DNAH2: variants seen among roughly 807,000 people sequenced by gnomAD.
DNAH2 encodes the protein axonemal beta dynein heavy chain 2.
DNAH2 carries 323 observed loss-of-function variants against 523.5 expected under a neutral mutation model. That is an observed-to-expected ratio of 0.62 (90% confidence interval 0.56 to 0.68). The LOEUF is 0.68. Among genes scored for constraint, DNAH2 ranks in the 30% least tolerant of loss-of-function variants. The pLI, the probability that DNAH2 is intolerant of heterozygous loss-of-function variation, is 0.00. For synonymous variants in DNAH2, 2,093 were observed against 2,177.4 expected, an observed-to-expected ratio of 0.96 and a Z score of 1.08; for missense variants, 4,907 against 5,701.5, an observed-to-expected ratio of 0.86 and a Z score of 4.49.
At chr17:7,733,475 C>CTTTTGTTTTTTTTTTTTTTTTTTTT (rs2075050810) in intron 5 of DNAH2, among the ~76,000 whole-genome samples, 160 bp downstream of exon 5, 1 of 113,862 alleles carries the variant, frequency 8.8e-6, no homozygotes, top group African/African-American at 3.2e-5. Flanking sequence ...CCTTCTTCTT[C>CTTTTGTTTTTTTTTTTTTTTTTTTT]TTTTTTTTTT....
At position 7,760,880 on chromosome 17, in the gene DNAH2, C is replaced by T. The variant is rs199537692; in HGVS notation, c.2926C>T (p.Arg976Cys). The change falls in exon 18 of 86, where the codon CGC (arginine) becomes TGC (cysteine). Residue 976 changes from arginine (R) to cysteine (C), a missense_variant. Around this residue, in one of 3 missense-constraint regions of DNAH2, gnomAD observed 2,806 missense variants for 3,190.8 expected, o/e 0.88. Transcript: ENST00000572933. This position sits in a 1 kb window ranked among gnomAD's most constrained non-coding sequence, Gnocchi z 4.0. ...GATCAACAAGGACTCCTTCATTCAT[C>T]GCTACCAGCGCCTCAACCCTCCTGT... ...WEINKDSFIH[R>C]YQRLNPPVSS... is the part of the protein sequence containing the mutation. 4.1e-5 allele frequency: 66 copies of T among 1,614,206 alleles called. No individual in the cohort carries two copies. Among genetic ancestry groups the T allele is most frequent in the Non-Finnish European group, 5.3e-5 (63 of 1,180,040 alleles).
In DNAH2 at chr17:7,766,351, C is replaced by T. The variant is rs770802218; in HGVS notation, c.3545C>T (p.Ala1182Val). 1 of 1,613,910 alleles carries T rather than the reference C, an allele frequency of 6.2e-7. No individual in the cohort carries two copies. The highest frequency in any genetic ancestry group is 1.1e-5 in the South Asian group (1 of 91,086). ...HFTSNVGYMS[A>V]LDQITQVRAM... is the part of the protein sequence containing the mutation. Reference sequence around the variant, plus strand: ...ACCAGCAACGTGGGATACATGTCTGCCTTAGACCAGATTACACAAGTGCGG... The same window carrying T: ...ACCAGCAACGTGGGATACATGTCTGTCTTAGACCAGATTACACAAGTGCGG... The change falls in exon 22 of 86, where the codon GCC (alanine) becomes GTC (valine). Residue 1182 changes from alanine to valine, a missense_variant. Ala to Val is a moderately conservative substitution (Grantham distance 64, BLOSUM62 0). This residue lies in a region of DNAH2 where 2,806 missense variants were observed against 3,190.8 expected (regional missense o/e 0.88). Transcript: ENST00000572933.
chr17:7,786,249 C>T lies in DNAH2; in HGVS notation c.6255C>T (p.Cys2085=). 1 of 1,614,126 alleles carries T rather than the reference C, an allele frequency of 6.2e-7. No individual in the cohort carries two copies. Among genetic ancestry groups the T allele is most frequent in the Non-Finnish European group, 8.5e-7 (1 of 1,180,026 alleles). The change falls in exon 40 of 86, where the codon TGC becomes TGT. Residue 2085 remains cysteine (C), a synonymous_variant. Transcript: ENST00000572933. The surrounding 1 kb of genome is among the most constrained non-coding windows in gnomAD (Gnocchi z 7.5). ...GCCACTCCACCATGATCGTGGGCTG[C>T]ACGGGCAGCGGCAAGACTGCCTCAT... is the stretch of plus-strand genomic sequence containing the variant. ...NSRHSTMIVG[C]TGSGKTASWR...
In DNAH2 at chr17:7,824,257, G is replaced by T; in HGVS notation, c.11615G>T (p.Gly3872Val). 6.4e-7 allele frequency: 1 copy of T among 1,568,740 alleles called. No homozygotes were observed. ...QRFHALSLGQ[G>V]QAPIAARLLR... ...TTCCACGCCCTGTCCCTGGGCCAGG[G>T]CCAGGCCCCCATCGCTGCTCGGCTC... Residue 3872 changes from glycine (G) to valine (V), a missense_variant, in exon 76 of 86, where the codon GGC (glycine) becomes GTC (valine). Around this residue, in one of 3 missense-constraint regions of DNAH2, gnomAD observed 1,851 missense variants for 2,139.4 expected, o/e 0.87. Transcript: ENST00000572933.
rs2074460355 is a variant in DNAH2 at position 7,717,750 on chromosome 17, G to T, written c.-1064G>T. 6.6e-6 allele frequency: 1 copy of T among 152,228 alleles called. No individual in the cohort carries two copies. The highest frequency in any genetic ancestry group is 2.4e-5 in the African/African-American group (1 of 41,442). 9.4% of individuals were successfully genotyped at this position (152,228 alleles called of 1,614,324 possible). A position where few individuals can be genotyped will look rare whatever the true frequency, so the allele number is the denominator to read the frequency against. On this transcript the variant is annotated 5_prime_UTR_variant, in exon 1 of 86. Coordinates refer to ENST00000572933, the MANE Select transcript of DNAH2 (RefSeq NM_020877.5). Reference sequence around the variant, plus strand: ...GGTTGCCATGGGGACGCGTGCAGACGCCGGCCCGAGAGGGCTGCGAGGGGC... The same window carrying T: ...GGTTGCCATGGGGACGCGTGCAGACTCCGGCCCGAGAGGGCTGCGAGGGGC...
Position 7,780,894 on chromosome 17 carries a change from C to G in DNAH2, c.6003+112C>G. ...CCTCAGATTGGGATTCTCACCTTCC[C>G]ACCTCGTCCCATCCCCGTGTTGCCC... On this transcript the variant is annotated intron_variant, in intron 38 of 85. Transcript: ENST00000572933. The surrounding 1 kb of genome is among the most constrained non-coding windows in gnomAD (Gnocchi z 4.4). 5 of 1,579,560 alleles carry G rather than the reference C, an allele frequency of 3.2e-6. No individual in the cohort carries two copies. Among genetic ancestry groups the G allele is most frequent in the Non-Finnish European group, 4.3e-6 (5 of 1,159,228 alleles).
At chr17:7,743,476 G>C in intron 12 of DNAH2, 1 of 649,220 alleles carries the variant, frequency 1.5e-6, no homozygotes, top group Non-Finnish European at 2.8e-6. Flanking sequence ...GAACAGCCTG[G>C]GCAACATGGC....
At chr17:7,791,438 A>G (rs1186375309) in intron 44 of DNAH2, among the ~76,000 whole-genome samples, 1 of 152,148 alleles carries the variant, frequency 6.6e-6, no homozygotes, top group Non-Finnish European at 1.5e-5. Flanking sequence ...TAAATTAACA[A>G]TATGTTTTTG....
chr17:7,772,871 C>G (rs1382779301), intron 28 of DNAH2, among the ~76,000 whole-genome samples: 1 of 152,190 alleles, frequency 6.6e-6, no homozygotes, highest in Non-Finnish European at 1.5e-5. Flanking sequence ...CCTCCCGGTT[C>G]AAGCAATTCT....
At chr17:7,753,290 G>T (rs1429474488) in intron 12 of DNAH2, among the ~76,000 whole-genome samples, 3 of 152,088 alleles carry the variant, frequency 2.0e-5, no homozygotes, top group African/African-American at 7.2e-5. Context: ...AGGTGCTTGT[G>T]CACGAGCAAG....
intron 5 of DNAH2, among the ~76,000 whole-genome samples, chr17:7,733,668 G>A (rs1296868113): frequency 6.6e-6 from 1 of 151,796 alleles, no homozygotes; most frequent in Non-Finnish European, 1.5e-5. Flanking sequence ...TAGTAGAGAT[G>A]GGGTTTCACC....
intron 42 of DNAH2, chr17:7,787,436 T>C (rs1045187746): frequency 1.5e-5 from 4 of 269,014 alleles, no homozygotes. Flanking sequence ...AGCTCTAGTT[T>C]CTTTTAAAGC....
chr17:7,796,857 A>G (rs2077077485), intron 50 of DNAH2, among the ~76,000 whole-genome samples: 1 of 148,372 alleles, frequency 6.7e-6, no homozygotes, highest in African/African-American at 2.5e-5. Context: ...TGGGAGGCCA[A>G]CGCAGGCAGA....
intron 30 of DNAH2, 119 bp downstream of exon 30, chr17:7,775,461 A>C (rs1405086832): frequency 1.1e-6 from 1 of 887,600 alleles, no homozygotes; most frequent in Non-Finnish European, 1.7e-6. Context: ...TGAGGTGGGC[A>C]GATCACCTGA....
Position 7,797,818 on chromosome 17 carries a change from C to T in DNAH2, c.8219C>T (p.Ala2740Val). 1 of 1,611,468 alleles carries T rather than the reference C, an allele frequency of 6.2e-7. No individual in the cohort carries two copies. The highest frequency in any genetic ancestry group is 8.5e-7 in the Non-Finnish European group (1 of 1,178,602). Reference sequence around the variant, plus strand: ...ATGCAGCTAGTGCTCTTCCGAGAGGCTATTGAACACAGTGAGCACCTGCCA... The same window carrying T: ...ATGCAGCTAGTGCTCTTCCGAGAGGTTATTGAACACAGTGAGCACCTGCCA... ...VPMQLVLFRE[A>V]IEHITRIVRV... Residue 2740 changes from alanine to valine, a missense_variant, in exon 53 of 86, where the codon GCT becomes GTT. By Grantham distance (64) the Ala-to-Val change is moderately conservative. This residue lies in a region of DNAH2 where 250 missense variants were observed against 371.3 expected (regional missense o/e 0.67). Transcript: ENST00000572933.
intron 48 of DNAH2, among the ~76,000 whole-genome samples, chr17:7,793,447 T>TTCTTTCTTTC (rs774059490): frequency 1.0e-5 from 1 of 96,416 alleles, no homozygotes; most frequent in African/African-American, 3.6e-5. Flanking sequence ...CTTTCTTTCT[T>TTCTTTCTTTC]TTTCTTTCTT....
At position 7,792,707 on chromosome 17, in the gene DNAH2, A is replaced by G. The variant is rs755089594; in HGVS notation, c.7196A>G (p.Asn2399Ser). ...CCCACCGTCGACACTGTTCGCTACA[A>G]CTACCTGGTGAGCAGCTTGGTGGCC... ...MVPTVDTVRY[N>S]YLVSSLVANQ... Residue 2399 changes from asparagine (N) to serine (S), a missense_variant, in exon 47 of 86, where the codon AAC becomes AGC. By Grantham distance (46) the Asn-to-Ser change is conservative (BLOSUM62 1). This residue lies in a region of DNAH2 where 2,806 missense variants were observed against 3,190.8 expected (regional missense o/e 0.88). Transcript: ENST00000572933. The G allele has an allele frequency of 1.2e-6, 2 of 1,614,142 alleles. No homozygotes were observed. The highest frequency in any genetic ancestry group is 1.7e-6 in the Non-Finnish European group (2 of 1,180,014).
In DNAH2 at chr17:7,824,142, C is replaced by T. The variant is rs369801878; in HGVS notation, c.11500C>T (p.Arg3834Ter). 5 of 1,564,674 alleles carry T rather than the reference C, an allele frequency of 3.2e-6. No individual in the cohort carries two copies. Among genetic ancestry groups the T allele is most frequent in the South Asian group, 1.2e-5 (1 of 84,632 alleles). ...GCAGGTGCTGGAGGATTCAACCCCA[C>T]GATCCCCACTCGTGTTCATCCTGTC... ...MKSVLEDSTP[R>*]SPLVFILSPG... Residue 3834 changes from arginine to a stop codon, truncating the protein, a stop_gained, in exon 76 of 86, where the codon CGA becomes TGA. Transcript: ENST00000572933. LOFTEE classifies it high-confidence loss of function.
rs370140754 is a variant in DNAH2, at chr17:7,817,859, G to A, written c.10236+3G>A. On this transcript the variant is annotated splice_donor_region_variant and intron_variant, in intron 67 of 85. Coordinates refer to ENST00000572933, the MANE Select transcript of DNAH2 (RefSeq NM_020877.5). ...TTAAGAACATGGAAGGAGGCCAGGT[G>A]TGAGGCTGGGGGGTCAGGTTAGCCC... 42 of 1,613,096 alleles carry A rather than the reference G, an allele frequency of 2.6e-5. No individual in the cohort carries two copies. The highest frequency in any genetic ancestry group is 2.0e-4 in the East Asian group (9 of 44,732).
Sources: gnomAD v4.1 joint callset for allele counts (sites outside exome capture counted in the v4.1 genomes callset) on GRCh38, gnomAD v4.1.1 for gene constraint, gnomAD v4.1.1 regional missense constraint, Gnocchi (gnomAD v3.1) non-coding constraint, MANE v1.5 for transcripts, NCBI Gene and HGNC (gene_info 2026-07-23, HGNC 2026-07-21) for gene names.